Variants in DNAH6 observed in about 807,000 individuals in gnomAD.
DNAH6 encodes axonemal beta dynein heavy chain 6.
A neutral mutation model predicts 491.4 loss-of-function variants in DNAH6; 340 were observed. The observed-to-expected ratio is 0.69, with a 90% CI of 0.63 to 0.76. The LOEUF (loss-of-function observed/expected upper bound fraction) is 0.76. Ranked by LOEUF, DNAH6 falls within the 30% of genes least tolerant of loss-of-function variation. DNAH6 has a pLI of 0.00. For missense variants in DNAH6, 4,443 were observed against 4,972.2 expected (o/e 0.89, Z 3.20); for synonymous variants, 1,603 against 1,686.1 (o/e 0.95, Z 1.21).
intron 74 of DNAH6, among the ~76,000 whole-genome samples, chr2:84,813,766 C>T (rs1310959596): frequency 6.6e-6 from 1 of 152,158 alleles, no homozygotes; most frequent in Non-Finnish European, 1.5e-5. Flanking sequence ...CAGAGCTTGT[C>T]CATCCCTTGG....
At chr2:84,551,956 G>C (rs989570189) in intron 9 of DNAH6, among the ~76,000 whole-genome samples, 1 of 151,912 alleles carries the variant, frequency 6.6e-6, no homozygotes, top group Admixed American at 6.6e-5. Flanking sequence ...GCTGAGGCAG[G>C]GGAATTGCTT....
chr2:84,704,449 C>A (rs1696239360), intron 51 of DNAH6, 147 bp downstream of exon 51: 2 of 652,816 alleles, frequency 3.1e-6, no homozygotes, highest in Admixed American at 2.9e-5. Flanking sequence ...GGAGCATTTT[C>A]TTCCCCAACA....
At chr2:84,686,083 G>C (rs2104754877) in intron 43 of DNAH6, among the ~76,000 whole-genome samples, 1 of 152,022 alleles carries the variant, frequency 6.6e-6, no homozygotes, top group African/African-American at 2.4e-5. Context: ...AGCTACTCAG[G>C]AGGCTGAGGC....
At position 84,718,321 on chromosome 2, in the gene DNAH6, C is replaced by G. The variant is rs1697748741; in HGVS notation, c.9729C>G (p.Leu3243=). The G allele has an allele frequency of 7.7e-6, 12 of 1,551,338 alleles. No individual in the cohort carries two copies. The highest frequency in any genetic ancestry group is 1.7e-4 in the Middle Eastern group (1 of 5,992). The change falls in exon 59 of 77, where the codon CTC becomes CTG. Residue 3243 remains leucine (L), a synonymous_variant. Transcript: ENST00000389394. ...KTIEEKILRM[L]FTSEGNILDN... ...TCGAAGAGAAAATCCTGAGAATGCTCTTTACCTCTGAAGGAAATATTCTGG... is the reference window on the plus strand; with the variant it reads ...TCGAAGAGAAAATCCTGAGAATGCTGTTTACCTCTGAAGGAAATATTCTGG...
chr2:84,623,498 A>G (rs1687584873), intron 26 of DNAH6, among the ~76,000 whole-genome samples: 1 of 152,196 alleles, frequency 6.6e-6, no homozygotes, highest in Admixed American at 6.5e-5. Flanking sequence ...ATATATATTT[A>G]TATGTAAATT....
intron 4 of DNAH6, among the ~76,000 whole-genome samples, chr2:84,537,022 T>C (rs1677758675): frequency 6.6e-6 from 1 of 152,038 alleles, no homozygotes; most frequent in African/African-American, 2.4e-5. Flanking sequence ...TTTATATCAG[T>C]GTGCCTTATA....
chr2:84,514,451 G>C (rs187443871), upstream of DNAH6, among the ~76,000 whole-genome samples: 5 of 152,154 alleles, frequency 3.3e-5, no homozygotes, highest in Admixed American at 6.5e-5. Context: ...CATCACAAAT[G>C]GCCTGGTATA....
At chr2:84,750,528 A>G (rs1673370859) in intron 63 of DNAH6, among the ~76,000 whole-genome samples, 1 of 152,152 alleles carries the variant, frequency 6.6e-6, no homozygotes, top group African/African-American at 2.4e-5. Flanking sequence ...TTGTAGAAAC[A>G]TATTGAATTA....
At chr2:84,721,106 G>T (rs1698112208) in intron 59 of DNAH6, among the ~76,000 whole-genome samples, 1 of 152,202 alleles carries the variant, frequency 6.6e-6, no homozygotes, top group Non-Finnish European at 1.5e-5. Flanking sequence ...GAAGCATATA[G>T]TATTCTAATA....
At chr2:84,597,642 C>T (rs918773919) in intron 18 of DNAH6, among the ~76,000 whole-genome samples, 7 of 152,102 alleles carry the variant, frequency 4.6e-5, no homozygotes, top group East Asian at 1.9e-4. Flanking sequence ...CGTGTGTTCA[C>T]GCAGAAACTT....
chr2:84,733,476 AC>A lies in DNAH6; in HGVS notation c.10241del (p.Pro3414LeufsTer34). 1 of 1,551,294 alleles carries A rather than the reference AC, an allele frequency of 6.4e-7. No individual in the cohort carries two copies. The highest frequency in any genetic ancestry group is 8.7e-7 in the Non-Finnish European group (1 of 1,146,634). ...CACCTAAGCCTGAAGCTCCCTGGCT[AC>A]CTACTGCTACATGGTTCGCATGCTG... ...RPPKPEAPWL[P>X]TATWFACCDL... is the part of the protein sequence containing the mutation. On this transcript the variant is annotated frameshift_variant, in exon 62 of 77. Coordinates refer to ENST00000389394, the MANE Select transcript of DNAH6 (RefSeq NM_001370.2). LOFTEE classifies it high-confidence loss of function.
At chr2:84,723,236 TAAA>T (rs1698328717) in intron 60 of DNAH6, among the ~76,000 whole-genome samples, 1 of 151,648 alleles carries the variant, frequency 6.6e-6, no homozygotes. Flanking sequence ...TCAAAAAAAA[TAAA>T]AAATAAAAAA....
chr2:84,659,283 G>C (rs979069585), intron 37 of DNAH6, 114 bp downstream of exon 37: 9 of 562,330 alleles, frequency 1.6e-5, no homozygotes, highest in Non-Finnish European at 2.4e-5. Flanking sequence ...CACTAAACTG[G>C]TTCCTAAAAT....
intron 67 of DNAH6, among the ~76,000 whole-genome samples, chr2:84,786,464 A>C (rs1179534975): frequency 2.6e-5 from 4 of 151,912 alleles, no homozygotes; most frequent in Admixed American, 2.6e-4. Flanking sequence ...GCCAGATATA[A>C]GATAAATAGG....
intron 45 of DNAH6, 122 bp downstream of exon 45, chr2:84,688,715 C>T (rs1314647320): frequency 1.4e-6 from 1 of 719,748 alleles, no homozygotes; most frequent in Non-Finnish European, 2.1e-6. Flanking sequence ...CTTTTATTAA[C>T]TCTCACCATA....
chr2:84,751,392 GAGA>G (rs1364719794), intron 63 of DNAH6, among the ~76,000 whole-genome samples: 1 of 152,208 alleles, frequency 6.6e-6, no homozygotes, highest in Non-Finnish European at 1.5e-5. Flanking sequence ...GCTCTATTGG[GAGA>G]AGGAGGATAG....
chr2:84,713,340 C>A, intron 57 of DNAH6, 81 bp downstream of exon 57: 2 of 1,419,754 alleles, frequency 1.4e-6, no homozygotes, highest in Admixed American at 2.3e-5. Flanking sequence ...TGGGCTCCCA[C>A]CCGGAGGGAA....
the DNAH6 span, among the ~76,000 whole-genome samples, chr2:84,498,790 C>CTCACCCTAAGGGCTG: frequency 6.6e-6 from 1 of 152,078 alleles, no homozygotes; most frequent in Non-Finnish European, 1.5e-5. Context: ...GCTGTCACCC[C>CTCACCCTAAGGGCTG]TCACTGTCCC....
chr2:84,715,535 T>A, intron 57 of DNAH6, 25 bp from the exon 58 acceptor site: 1 of 1,549,688 alleles, frequency 6.5e-7, no homozygotes, highest in African/African-American at 1.4e-5. Context: ...TAAGCATTTT[T>A]ATGCACTCTG....
Sources: gnomAD v4.1 joint callset for allele counts (sites outside exome capture counted in the v4.1 genomes callset) on GRCh38, gnomAD v4.1.1 for gene constraint, MANE v1.5 for transcripts, NCBI Gene and HGNC (gene_info 2026-07-23, HGNC 2026-07-21) for gene names.